PDLIM5: variants seen among roughly 807,000 people sequenced by gnomAD.
PDLIM5 encodes PDZ and LIM domain 5.
PDLIM5 carries 34 observed loss-of-function variants against 64.2 expected under a neutral mutation model. That is an observed-to-expected ratio of 0.53 (90% CI 0.40 to 0.71). The LOEUF is 0.71. Among genes scored for constraint, PDLIM5 ranks in the 30% least tolerant of loss-of-function variants. PDLIM5 has a pLI of 0.00. For missense variants in PDLIM5, 683 were observed against 733.6 expected (o/e 0.93, Z 0.80); for synonymous variants, 253 against 269.1 (o/e 0.94, Z 0.59).
intron 3 of PDLIM5, among the ~76,000 whole-genome samples, chr4:94,568,785 G>A (rs1734557265): frequency 6.6e-6 from 1 of 151,958 alleles, no homozygotes; most frequent in South Asian, 2.1e-4. Flanking sequence ...TAAATTATAG[G>A]ATATATAAAA....
At chr4:94,529,619 C>T (rs3805288) in intron 3 of PDLIM5, among the ~76,000 whole-genome samples, 33,013 of 151,764 alleles carry the variant, frequency 0.22, 3,774 homozygotes, top group African/African-American at 0.26. Flanking sequence ...AATTTGGGGG[C>T]ATATAATAAA....
intron 2 of PDLIM5, among the ~76,000 whole-genome samples, chr4:94,508,645 C>A (rs1728604754): frequency 6.6e-6 from 1 of 152,176 alleles, no homozygotes; most frequent in African/African-American, 2.4e-5. Context: ...AACAATCTGG[C>A]ATCCAGGAGT....
At position 94,454,332 on chromosome 4, in the gene PDLIM5, T is replaced by G. The variant is rs934188244; in HGVS notation, c.-42-915T>G. Among the ~76,000 whole-genome samples, 4 of 151,998 alleles carry G rather than the reference T, an allele frequency of 2.6e-5. No homozygotes were observed. In the South Asian group the frequency reaches 6.2e-4, roughly 24 times the overall value. ...ACCAATAGGAAACTCGAAGTTTTTT[T>G]TTTTTTTTTTGCTTTTTAAAAATTA... On this transcript the variant is annotated intron_variant, in intron 1 of 12. Coordinates refer to ENST00000317968, the MANE Select transcript of PDLIM5 (RefSeq NM_006457.5).
chr4:94,484,347 C>G (rs752449682), intron 2 of PDLIM5, among the ~76,000 whole-genome samples: 17 of 151,958 alleles, frequency 1.1e-4, no homozygotes, highest in Admixed American at 5.2e-4. Context: ...AAGTGAATTT[C>G]TAAGAAGTTT....
chr4:94,479,758 T>G (rs1233939762), intron 2 of PDLIM5, among the ~76,000 whole-genome samples: 1 of 152,046 alleles, frequency 6.6e-6, no homozygotes, highest in Admixed American at 6.6e-5. Context: ...ATATCTTGTG[T>G]TTTTTTTACA....
At chr4:94,637,008 T>C (rs1259205153) in intron 8 of PDLIM5, among the ~76,000 whole-genome samples, 1 of 152,020 alleles carries the variant, frequency 6.6e-6, no homozygotes, top group Non-Finnish European at 1.5e-5. Context: ...GGGAAAACTA[T>C]GAGTAGCAGT....
intron 2 of PDLIM5, among the ~76,000 whole-genome samples, chr4:94,485,024 T>A (rs181239745): frequency 6.6e-6 from 1 of 151,742 alleles, no homozygotes; most frequent in East Asian, 1.9e-4. Flanking sequence ...AGAGTGTAGG[T>A]GGGTATGAGG....
Position 94,662,513 on chromosome 4 carries a change from G to T in PDLIM5, c.1677G>T (p.Trp559Cys), listed in dbSNP as rs1416294284. 6.3e-7 allele frequency: 1 copy of T among 1,591,288 alleles called. No homozygotes were observed. Among genetic ancestry groups the T allele is most frequent in the South Asian group, 1.1e-5 (1 of 90,574 alleles). The change falls in exon 12 of 13, where the codon TGG becomes TGT. Residue 559 changes from tryptophan to cysteine, a missense_variant. Physicochemically the swap from Trp to Cys is radical, Grantham distance 215. Transcript: ENST00000317968. Reference protein sequence around the residue: ...DMFLEALGYTWHDTCFVCSVC... With the variant: ...DMFLEALGYTCHDTCFVCSVC... ...TCCTGGAAGCTCTGGGCTACACCTGGCATGACACTTGCTTTGTATGCTCAG... is the reference window on the plus strand; with the variant it reads ...TCCTGGAAGCTCTGGGCTACACCTGTCATGACACTTGCTTTGTATGCTCAG...
chr4:94,477,866 G>A (rs1444957119), intron 2 of PDLIM5, among the ~76,000 whole-genome samples: 3 of 152,058 alleles, frequency 2.0e-5, no homozygotes, highest in Non-Finnish European at 4.4e-5. Flanking sequence ...AAGATGACAA[G>A]GATGAAGACC....
intron 8 of PDLIM5, among the ~76,000 whole-genome samples, chr4:94,638,539 A>G (rs1240312029): frequency 1.3e-5 from 2 of 152,254 alleles, no homozygotes; most frequent in African/African-American, 4.8e-5. Flanking sequence ...GAATTATCAT[A>G]TCAATTATCC....
intron 2 of PDLIM5, among the ~76,000 whole-genome samples, chr4:94,467,655 A>C (rs1724494493): frequency 6.6e-6 from 1 of 152,148 alleles, no homozygotes; most frequent in Admixed American, 6.5e-5. Context: ...CCTTGTTTTC[A>C]ATCCTAATCA....
intron 11 of PDLIM5, among the ~76,000 whole-genome samples, chr4:94,662,032 G>T (rs1445289059): frequency 1.3e-5 from 2 of 152,068 alleles, no homozygotes; most frequent in Admixed American, 6.6e-5. Context: ...CTTTGGCCAG[G>T]ATGGTCTCAA....
chr4:94,565,826 C>G (rs1004893202), intron 3 of PDLIM5, among the ~76,000 whole-genome samples: 3 of 152,094 alleles, frequency 2.0e-5, no homozygotes. Flanking sequence ...AGAACTTAAT[C>G]TCTTATTTAT....
chr4:94,549,263 T>TATA (rs1732591378), intron 3 of PDLIM5, among the ~76,000 whole-genome samples: 1 of 152,178 alleles, frequency 6.6e-6, no homozygotes, highest in Non-Finnish European at 1.5e-5. Flanking sequence ...ACAGGGTTAG[T>TATA]TGCTAAATAA....
chr4:94,557,892 C>T (rs1212736941), intron 3 of PDLIM5, among the ~76,000 whole-genome samples: 2 of 152,116 alleles, frequency 1.3e-5, no homozygotes, highest in Non-Finnish European at 2.9e-5. Context: ...ATTGAATACC[C>T]TTTATTTCTT....
chr4:94,602,781 C>T (rs1457422297), intron 7 of PDLIM5, among the ~76,000 whole-genome samples: 1 of 152,100 alleles, frequency 6.6e-6, no homozygotes, highest in African/African-American at 2.4e-5. Flanking sequence ...TTGTTCTCCT[C>T]ATTCCACTGA....
intron 3 of PDLIM5, among the ~76,000 whole-genome samples, chr4:94,565,754 G>A (rs926650144): frequency 2.0e-5 from 3 of 152,036 alleles, no homozygotes; most frequent in Non-Finnish European, 4.4e-5. Context: ...AAAGAACAAT[G>A]GACTGAAACC....
At chr4:94,631,368 C>T (rs986096332) in intron 8 of PDLIM5, among the ~76,000 whole-genome samples, 1 of 152,066 alleles carries the variant, frequency 6.6e-6, no homozygotes, top group African/African-American at 2.4e-5. Context: ...TAGTATTTAT[C>T]TAAGAAACTC....
intron 3 of PDLIM5, among the ~76,000 whole-genome samples, chr4:94,572,755 A>T (rs1734916883): frequency 1.3e-5 from 2 of 152,186 alleles, no homozygotes; most frequent in African/African-American, 4.8e-5. Flanking sequence ...CTTCTCTGAA[A>T]TTATAGTCTA....
Sources: gnomAD v4.1 joint callset for allele counts (sites outside exome capture counted in the v4.1 genomes callset) on GRCh38, gnomAD v4.1.1 for gene constraint, MANE v1.5 for transcripts, NCBI Gene and HGNC (gene_info 2026-07-23, HGNC 2026-07-21) for gene names.